CHIA: variants seen among roughly 807,000 people sequenced by gnomAD.
CHIA encodes the protein acidic mammalian chitinase.
Under a neutral mutation model 53.5 loss-of-function variants are expected in CHIA, and 47 were observed. That is an observed-to-expected ratio of 0.88 (90% CI 0.70 to 1.12). The LOEUF is 1.12. Ranked by LOEUF, CHIA falls within the 50% of genes most tolerant of loss-of-function variation. CHIA has a pLI of 0.00. For synonymous variants in CHIA, 268 were observed against 222.2 expected, an observed-to-expected ratio of 1.21 and a Z score of -1.83; for missense variants, 652 against 592.2, an observed-to-expected ratio of 1.10 and a Z score of -1.05.
intron 1 of CHIA, among the ~76,000 whole-genome samples, chr1:111,307,770 TA>T (rs747118844): frequency 2.6e-5 from 4 of 152,060 alleles, no homozygotes; most frequent in Non-Finnish European, 4.4e-5. Flanking sequence ...GCCTCCCAAG[TA>T]GCTGAGATTA....
chr1:111,309,374 C>G (rs1488774405), intron 1 of CHIA, among the ~76,000 whole-genome samples: 1 of 152,230 alleles, frequency 6.6e-6, no homozygotes, highest in African/African-American at 2.4e-5. Context: ...CACCCATATT[C>G]CCGCCAACTG....
chr1:111,312,617 T>C (rs1648779550), intron 4 of CHIA, among the ~76,000 whole-genome samples: 2 of 152,214 alleles, frequency 1.3e-5, no homozygotes, highest in African/African-American at 2.4e-5. Flanking sequence ...TATCAACATA[T>C]GCATTTCCAC....
chr1:111,318,033 G>A lies in CHIA; in HGVS notation c.653G>A (p.Trp218Ter). The change falls in exon 8 of 12, where the codon TGG becomes TAG. Residue 218 changes from tryptophan to a stop codon, truncating the protein, a stop_gained. Coordinates refer to ENST00000369740, the MANE Select transcript of CHIA (RefSeq NM_201653.4). LOFTEE classifies it high-confidence loss of function. ...ATGACCTACGACCTCCATGGCTCCTGGGAGGGCTACACTGGAGAGAACAGC... is the reference window on the plus strand; with the variant it reads ...ATGACCTACGACCTCCATGGCTCCTAGGAGGGCTACACTGGAGAGAACAGC... ...HVMTYDLHGSWEGYTGENSPL... is the reference protein window; with the variant it reads ...HVMTYDLHGS 1.2e-6 allele frequency: 2 copies of A among 1,614,090 alleles called. No homozygotes were observed. Among genetic ancestry groups the A allele is most frequent in the South Asian group, 1.1e-5 (1 of 91,072 alleles).
Position 111,317,672 on chromosome 1 carries a change from A to T in CHIA, c.481-9A>T. On this transcript the variant is annotated splice_polypyrimidine_tract_variant and intron_variant, in intron 6 of 11. Coordinates refer to ENST00000369740, the MANE Select transcript of CHIA (RefSeq NM_201653.4). ...CATAGATGTCCTATTATGCCTTATT[A>T]TTCTGTAGGAAATGCGTGAAGCTTT... is the stretch of plus-strand genomic sequence containing the variant. The T allele has an allele frequency of 1.2e-6, 2 of 1,614,178 alleles. No homozygotes were observed. The highest frequency in any genetic ancestry group is 2.2e-5 in the East Asian group (1 of 44,890).
chr1:111,304,776 G>C (rs1279907530), intron 1 of CHIA, among the ~76,000 whole-genome samples: 3 of 151,990 alleles, frequency 2.0e-5, no homozygotes, highest in African/African-American at 7.3e-5. Context: ...GTTTGAATGA[G>C]CTATACTTTC....
At chr1:111,312,087 G>A in intron 3 of CHIA, 103 bp from the exon 4 acceptor site, 1 of 848,304 alleles carries the variant, frequency 1.2e-6, no homozygotes, top group South Asian at 1.4e-5. Context: ...CAGAGATCAG[G>A]CATCTGAGGC....
chr1:111,319,813 C>G (rs924343831), intron 11 of CHIA, among the ~76,000 whole-genome samples: 1 of 152,178 alleles, frequency 6.6e-6, no homozygotes, highest in Non-Finnish European at 1.5e-5. Context: ...TTTAAGAAAC[C>G]CTCACCAATG....
At chr1:111,304,556 ATTACTTT>A (rs764905513) in intron 1 of CHIA, among the ~76,000 whole-genome samples, 3 of 152,108 alleles carry the variant, frequency 2.0e-5, no homozygotes, top group Non-Finnish European at 4.4e-5. Context: ...TTTCAGTTAT[ATTACTTT>A]TTAGCTCCAG....
At chr1:111,315,462 C>T (rs1447410034) in intron 6 of CHIA, 27 bp downstream of exon 6, 1 of 1,597,574 alleles carries the variant, frequency 6.3e-7, no homozygotes, top group Non-Finnish European at 8.5e-7. Flanking sequence ...CAGTCTTTAG[C>T]CCAAAAAGAT....
intron 1 of CHIA, among the ~76,000 whole-genome samples, chr1:111,309,402 C>T (rs944492362): frequency 6.6e-6 from 1 of 152,198 alleles, no homozygotes; most frequent in African/African-American, 2.4e-5. Context: ...GGTATTGTCA[C>T]AAGACAGCAT....
At position 111,320,257 on chromosome 1, in the gene CHIA, C is replaced by T; in HGVS notation, c.1222C>T (p.Pro408Ser). 6.2e-7 allele frequency: 1 copy of T among 1,614,012 alleles called. No homozygotes were observed. Among genetic ancestry groups the T allele is most frequent in the East Asian group, 2.2e-5 (1 of 44,894 alleles). ...AQPIEPITAA[P>S]SGSGNGSGSS... ...GCCCATTGAGCCAATAACTGCTGCT[C>T]CCAGTGGCAGCGGGAACGGGAGCGG... Residue 408 changes from proline (P) to serine (S), a missense_variant, in exon 12 of 12, where the codon CCC becomes TCC. Coordinates refer to ENST00000369740, the MANE Select transcript of CHIA (RefSeq NM_201653.4).
intron 1 of CHIA, among the ~76,000 whole-genome samples, chr1:111,307,893 T>A (rs1341354559): frequency 6.6e-6 from 1 of 152,128 alleles, no homozygotes; most frequent in African/African-American, 2.4e-5. Flanking sequence ...CCACCCGCCT[T>A]GGCCTCCCAA....
chr1:111,308,930 A>T (rs1293514874), intron 1 of CHIA, among the ~76,000 whole-genome samples: 1 of 152,254 alleles, frequency 6.6e-6, no homozygotes, highest in Non-Finnish European at 1.5e-5. Context: ...CACCAAATAC[A>T]GTCTCTGGCA....
At chr1:111,296,504 A>G (rs1661346683) in intron 1 of CHIA, among the ~76,000 whole-genome samples, 1 of 152,226 alleles carries the variant, frequency 6.6e-6, no homozygotes, top group South Asian at 2.1e-4. Context: ...AGGAAAACTA[A>G]CAAACAAAAG....
In CHIA at chr1:111,290,864, A is replaced by G; in HGVS notation, c.-155A>G. 2.3e-6 allele frequency: 1 copy of G among 429,668 alleles called. No homozygotes were observed. The highest frequency in any genetic ancestry group is 2.9e-5 in the Admixed American group (1 of 34,206). 26.6% of individuals were successfully genotyped at this position (429,668 alleles called of 1,614,324 possible). On this transcript the variant is annotated 5_prime_UTR_variant, in exon 1 of 12. Transcript: ENST00000369740. ...CCCAGACGGTGCCAAAGCTTCATGA[A>G]ACCTCCTCGTCTGTGCACGAACAGG...
intron 1 of CHIA, among the ~76,000 whole-genome samples, chr1:111,297,649 A>T: frequency 6.6e-6 from 1 of 152,194 alleles, no homozygotes; most frequent in East Asian, 1.9e-4. Flanking sequence ...CATTGATGCT[A>T]TGAAGAAACT....
In CHIA at chr1:111,315,235, A is replaced by G. The variant is rs1304200592; in HGVS notation, c.315-35A>G. ...TTTACTCCAAGGTGTTGGGACCACC[A>G]AGGTCTCACCCTGCCTTCTTTGGGT... On this transcript the variant is annotated intron_variant, in intron 5 of 11. Transcript: ENST00000369740. 8.9e-6 allele frequency: 14 copies of G among 1,572,758 alleles called. No homozygotes were observed. In the South Asian group the frequency reaches 1.6e-4, roughly 18 times the overall value.
rs1197692231 is a variant in CHIA at position 111,312,329 on chromosome 1, G to T, written c.195G>T (p.Glu65Asp). 6.2e-7 allele frequency: 1 copy of T among 1,614,132 alleles called. No individual in the cohort carries two copies. ...IYAFAGRQNN[E>D]ITTIEWNDVT... ...CCTTTGCTGGGAGGCAGAACAACGA[G>T]ATCACCACCATCGAATGGAATGATG... Residue 65 changes from glutamate (E) to aspartate (D), a missense_variant, in exon 4 of 12, where the codon GAG (glutamate) becomes GAT (aspartate). Coordinates refer to ENST00000369740, the MANE Select transcript of CHIA (RefSeq NM_201653.4).
At chr1:111,295,592 C>T (rs1031491194) in intron 1 of CHIA, among the ~76,000 whole-genome samples, 1 of 151,452 alleles carries the variant, frequency 6.6e-6, no homozygotes, top group African/African-American at 2.4e-5. Flanking sequence ...ACGCAGAAGA[C>T]AGGTGATTTC....
Sources: gnomAD v4.1 joint callset for allele counts (sites outside exome capture counted in the v4.1 genomes callset) on GRCh38, gnomAD v4.1.1 for gene constraint, MANE v1.5 for transcripts, NCBI Gene and HGNC (gene_info 2026-07-23, HGNC 2026-07-21) for gene names.